The following CDH2 variants were observed in gnomAD, a reference collection of about 807,000 sequenced individuals.
The protein encoded by CDH2 is cadherin-2.
In CDH2, 17 loss-of-function variants were observed where a neutral mutation model predicts 92.0. The ratio of observed to expected loss-of-function variants is 0.18; its 90% confidence interval spans 0.13 to 0.28. The LOEUF is 0.28. Among genes scored for constraint, CDH2 ranks in the 10% least tolerant of loss-of-function variants. The pLI, the probability that CDH2 is intolerant of heterozygous loss-of-function variation, is 1.00. For synonymous variants in CDH2, 419 were observed against 415.9 expected (o/e 1.01, Z -0.09); for missense variants, 862 against 1,133.1 (o/e 0.76, Z 3.44).
intron 3 of CDH2, 56 bp from the exon 4 acceptor site, chr18:28,012,048 T>C (rs1344703352): frequency 1.1e-5 from 16 of 1,438,526 alleles, no homozygotes; most frequent in Non-Finnish European, 1.5e-5. Context: ...TTTCTGAAAG[T>C]ACATCAATAT....
At chr18:28,171,597 T>A (rs2016465129) in intron 1 of CDH2, among the ~76,000 whole-genome samples, 1 of 152,198 alleles carries the variant, frequency 6.6e-6, no homozygotes, top group African/African-American at 2.4e-5. Flanking sequence ...TTTAAACCTA[T>A]CACGATAAAC....
chr18:28,084,551 C>T (rs1453962292), intron 2 of CDH2, among the ~76,000 whole-genome samples: 1 of 151,400 alleles, frequency 6.6e-6, no homozygotes, highest in Non-Finnish European at 1.5e-5. Flanking sequence ...GGGAATAGTA[C>T]TTGGAAGTAA....
At chr18:28,089,595 A>G (rs931412062) in intron 2 of CDH2, among the ~76,000 whole-genome samples, 5 of 152,206 alleles carry the variant, frequency 3.3e-5, no homozygotes, top group African/African-American at 1.2e-4. Context: ...TTATTTAAGT[A>G]ATTTAAAGCA....
intron 2 of CDH2, among the ~76,000 whole-genome samples, chr18:28,085,222 C>T (rs1256709272): frequency 1.3e-5 from 2 of 152,042 alleles, no homozygotes; most frequent in East Asian, 3.9e-4. Context: ...GGTCATTCCT[C>T]CCGCCACCGG....
chr18:28,015,085 G>A (rs1189044395), intron 2 of CDH2, among the ~76,000 whole-genome samples: 5 of 152,026 alleles, frequency 3.3e-5, no homozygotes, highest in African/African-American at 1.2e-4. Context: ...CATTTCTCAA[G>A]GATCTAAGTA....
rs2957286 is a variant in CDH2, at chr18:27,993,658, G to C, written c.1021-21C>G. Reference sequence around the variant, plus strand: ...ACTTTCTAAAAAGACATAAAGATAAGAACTTAAATGAAACTAATTCCTCAA... The same window carrying C: ...ACTTTCTAAAAAGACATAAAGATAACAACTTAAATGAAACTAATTCCTCAA... On this transcript the variant is annotated intron_variant, in intron 7 of 15. Coordinates refer to ENST00000269141, the MANE Select transcript of CDH2 (RefSeq NM_001792.5). The C allele has an allele frequency of 1, 1,576,510 of 1,577,830 alleles. 787,606 individuals are homozygous for C. The highest frequency in any genetic ancestry group is 1 in the East Asian group (44,268 of 44,268).
chr18:28,170,882 T>G (rs1350354096), intron 1 of CDH2, among the ~76,000 whole-genome samples: 7 of 151,660 alleles, frequency 4.6e-5, no homozygotes, highest in Non-Finnish European at 8.8e-5. Flanking sequence ...CGTATATGTA[T>G]CTATACCATG....
chr18:28,060,209 CAG>C (rs1178674809), intron 2 of CDH2, among the ~76,000 whole-genome samples: 1 of 151,986 alleles, frequency 6.6e-6, no homozygotes. Context: ...ATTTTTGAGA[CAG>C]AGTCTCACTC....
intron 2 of CDH2, among the ~76,000 whole-genome samples, chr18:28,057,725 T>C (rs929148469): frequency 6.6e-6 from 1 of 152,054 alleles, no homozygotes; most frequent in African/African-American, 2.4e-5. Context: ...AAATTACCTA[T>C]GATAACTTAT....
chr18:27,938,635 C>G (rs746149116), intron 6 of CDH2, among the ~76,000 whole-genome samples: 7 of 152,252 alleles, frequency 4.6e-5, no homozygotes, highest in Admixed American at 6.5e-5. Flanking sequence ...AATAATTATA[C>G]TATACCCTTT....
chr18:28,024,360 T>C (rs1275555461), intron 2 of CDH2, among the ~76,000 whole-genome samples: 1 of 151,622 alleles, frequency 6.6e-6, no homozygotes, highest in South Asian at 2.1e-4. Flanking sequence ...AATAAACATA[T>C]GTAGAAATGA....
At chr18:27,973,553 C>T (rs1175792839) in intron 14 of CDH2, among the ~76,000 whole-genome samples, 1 of 152,140 alleles carries the variant, frequency 6.6e-6, no homozygotes, top group Non-Finnish European at 1.5e-5. Context: ...GCCAAGGGAC[C>T]TACTTCCCTA....
rs139791983 is a variant in CDH2 at position 27,933,376 on chromosome 18, A to G, written c.1152-252T>C. 4.4e-3 allele frequency among the ~76,000 whole-genome samples: 668 copies of G among 152,290 alleles called. 6 individuals carry two copies. The highest frequency in any genetic ancestry group is 0.015 in the African/African-American group (624 of 41,570). On this transcript the variant is annotated intron_variant, in intron 6 of 6. Transcript: ENST00000675173. ...GCCTTTATGGAAATAGGTCCTCTTTACTTTCAACTATTCATCTATAAAATG... is the reference window on the plus strand; with the variant it reads ...GCCTTTATGGAAATAGGTCCTCTTTGCTTTCAACTATTCATCTATAAAATG...
intron 2 of CDH2, among the ~76,000 whole-genome samples, chr18:28,076,925 T>C (rs1033526017): frequency 6.6e-6 from 1 of 152,154 alleles, no homozygotes; most frequent in Non-Finnish European, 1.5e-5. Flanking sequence ...TTAAATGCTA[T>C]AATGCATAGG....
chr18:27,979,193 G>A (rs1378562203), intron 14 of CDH2, among the ~76,000 whole-genome samples: 2 of 152,066 alleles, frequency 1.3e-5, no homozygotes, highest in Non-Finnish European at 2.9e-5. Context: ...CAATAGAAAA[G>A]TAGACAAACA....
chr18:28,060,039 G>T (rs1401875281), intron 2 of CDH2, among the ~76,000 whole-genome samples: 1 of 151,800 alleles, frequency 6.6e-6, no homozygotes, highest in Non-Finnish European at 1.5e-5. Context: ...ATCAGACCCT[G>T]GTTTTTTTTT....
intron 1 of CDH2, among the ~76,000 whole-genome samples, chr18:28,151,724 C>A (rs889537176): frequency 6.6e-6 from 1 of 152,200 alleles, no homozygotes; most frequent in African/African-American, 2.4e-5. Context: ...CTACCCTCAA[C>A]AAGTTATCTG....
At position 28,156,825 on chromosome 18, in the gene CDH2, C is replaced by A. The variant is rs962565022; in HGVS notation, c.61-9041G>T. 2.6e-5 allele frequency among the ~76,000 whole-genome samples: 4 copies of A among 152,148 alleles called. No homozygotes were observed. In the East Asian group the frequency reaches 7.7e-4, roughly 29 times the overall value. ...TCACCTTCCCAGGTATAGCATGTCA[C>A]CTTCCCAGGTATAGCATGTCACCTT... is the stretch of plus-strand genomic sequence containing the variant. On this transcript the variant is annotated intron_variant, in intron 1 of 15. Coordinates refer to ENST00000269141, the MANE Select transcript of CDH2 (RefSeq NM_001792.5).
intron 14 of CDH2, among the ~76,000 whole-genome samples, chr18:27,978,392 C>T (rs537011713): frequency 2.0e-5 from 3 of 152,266 alleles, no homozygotes; most frequent in South Asian, 2.1e-4. Context: ...AGGAAGCTAA[C>T]CCACAAAGCC....
Sources: allele counts gnomAD v4.1 joint callset (sites outside exome capture counted in the v4.1 genomes callset), GRCh38; gene constraint gnomAD v4.1.1; transcripts MANE v1.5; gene names NCBI Gene and HGNC (gene_info 2026-07-23, HGNC 2026-07-21).